The following RAB35 variants were observed in gnomAD, a reference collection of about 807,000 sequenced individuals.
RAB35 encodes ras-related protein Rab-35.
In RAB35, 4 loss-of-function variants were observed where a neutral mutation model predicts 28.9. That is an observed-to-expected ratio of 0.14 (90% CI 0.07 to 0.32). RAB35 has a LOEUF of 0.32. Ranked by LOEUF, RAB35 falls within the 10% of genes least tolerant of loss-of-function variation. RAB35 has a pLI of 1.00. For missense variants in RAB35, 128 were observed against 274.0 expected, an observed-to-expected ratio of 0.47 and a Z score of 3.76; for synonymous variants, 99 against 105.1, an observed-to-expected ratio of 0.94 and a Z score of 0.35.
Position 120,097,361 on chromosome 12 carries a change from T to A in RAB35, c.490A>T (p.Ile164Phe), listed in dbSNP as rs763943361. ...NVNVEEMFNC[I>F]TELVLRAKKD... is the part of the protein sequence containing the mutation. ...TTTGCTCGGAGGACCAGCTCCGTGATGCAGTTGAACATCTGTGGAGAGGAA... is the reference window on the plus strand; with the variant it reads ...TTTGCTCGGAGGACCAGCTCCGTGAAGCAGTTGAACATCTGTGGAGAGGAA... Residue 164 changes from isoleucine to phenylalanine, a missense_variant, in exon 6 of 6, where the codon ATC (isoleucine) becomes TTC (phenylalanine). Physicochemically the swap from Ile to Phe is conservative, Grantham distance 21. Transcript: ENST00000229340. 6.2e-7 allele frequency: 1 copy of A among 1,612,320 alleles called. No individual in the cohort carries two copies. The highest frequency in any genetic ancestry group is 1.1e-5 in the South Asian group (1 of 90,924).
chr12:120,112,307 C>G (rs571250962), intron 1 of RAB35, among the ~76,000 whole-genome samples: 1 of 152,092 alleles, frequency 6.6e-6, no homozygotes, highest in South Asian at 2.1e-4. Flanking sequence ...ATCTGGTCCT[C>G]ACCACGCAAG....
At chr12:120,109,125 TAC>T (rs1321244665) in intron 1 of RAB35, among the ~76,000 whole-genome samples, 15 of 152,158 alleles carry the variant, frequency 9.9e-5, no homozygotes, top group Non-Finnish European at 1.9e-4. Context: ...CACAAACATG[TAC>T]ACATCTGGCC....
rs751756094 is a variant in RAB35 at position 120,116,106 on chromosome 12, T to A, written c.52+493A>T. Among the ~76,000 whole-genome samples, 255 of 152,150 alleles carry A rather than the reference T, an allele frequency of 1.7e-3. 8 individuals carry two copies. The highest frequency in any genetic ancestry group is 5.7e-4 in the Non-Finnish European group (39 of 67,994). ...AGAAACTGACGCTTATAAAGGATAC[T>A]GATGATAATGACAATAGTGAACATT... On this transcript the variant is annotated intron_variant, in intron 1 of 5. Coordinates refer to ENST00000229340, the MANE Select transcript of RAB35 (RefSeq NM_006861.7).
chr12:120,106,443 CAAA>C (rs1875875617), intron 2 of RAB35, among the ~76,000 whole-genome samples: 1 of 152,136 alleles, frequency 6.6e-6, no homozygotes, highest in Non-Finnish European at 1.5e-5. Flanking sequence ...TTCTATTTTA[CAAA>C]TGAACTGGCT....
intron 1 of RAB35, among the ~76,000 whole-genome samples, chr12:120,110,705 C>T (rs1876082661): frequency 6.6e-6 from 1 of 152,222 alleles, no homozygotes; most frequent in Non-Finnish European, 1.5e-5. Flanking sequence ...CTTCTGGGAG[C>T]TTCTCCTGGT....
intron 1 of RAB35, among the ~76,000 whole-genome samples, chr12:120,113,773 G>A (rs542684344): frequency 7.3e-4 from 111 of 151,138 alleles, no homozygotes; most frequent in South Asian, 2.1e-3. Context: ...AGCCGAGATC[G>A]CGCCACTGCA....
chr12:120,104,718 C>T (rs1875804298), intron 2 of RAB35, among the ~76,000 whole-genome samples: 1 of 152,100 alleles, frequency 6.6e-6, no homozygotes, highest in Non-Finnish European at 1.5e-5. Flanking sequence ...GCACCCTTGA[C>T]CTTCCCCCAG....
Position 120,095,920 on chromosome 12 carries a change from C to CA in RAB35, c.*1324_*1325insT. 6.5e-6 allele frequency: 1 copy of CA among 154,618 alleles called. No homozygotes were observed. Among genetic ancestry groups the CA allele is most frequent in the Non-Finnish European group, 1.4e-5 (1 of 70,086 alleles). 9.6% of individuals were successfully genotyped at this position (154,618 alleles called of 1,614,324 possible). ...CTCGGTTCTTCCCAGGTCACTTGAT[C>CA]CCTGTAGTGGGAGGGGAATGAGGTG... On this transcript the variant is annotated 3_prime_UTR_variant, in exon 6 of 6. Coordinates refer to ENST00000229340, the MANE Select transcript of RAB35 (RefSeq NM_006861.7).
rs947086495 is a variant in RAB35 at position 120,096,332 on chromosome 12, C to T, written c.*913G>A. ...ACAAGTGGGGTGGCCTCAACTTTTGCTGCTGTGCCAATCAAACCTCAGGGA... is the reference window on the plus strand; with the variant it reads ...ACAAGTGGGGTGGCCTCAACTTTTGTTGCTGTGCCAATCAAACCTCAGGGA... On this transcript the variant is annotated 3_prime_UTR_variant, in exon 6 of 6. Coordinates refer to ENST00000229340, the MANE Select transcript of RAB35 (RefSeq NM_006861.7). The T allele has an allele frequency of 2.9e-6, 3 of 1,034,414 alleles. No individual in the cohort carries two copies. The highest frequency in any genetic ancestry group is 1.7e-5 in the African/African-American group (1 of 59,602). 64.1% of individuals were successfully genotyped at this position (1,034,414 alleles called of 1,614,324 possible). A position where few individuals can be genotyped will look rare whatever the true frequency, so the allele number is the denominator to read the frequency against.
At chr12:120,098,734 G>T in intron 5 of RAB35, 77 bp downstream of exon 5, 1 of 1,576,318 alleles carries the variant, frequency 6.3e-7, no homozygotes. Flanking sequence ...TGGTCATTTA[G>T]ATGCCTCAAG....
chr12:120,101,686 G>A (rs1015629597), intron 3 of RAB35, among the ~76,000 whole-genome samples: 17 of 152,334 alleles, frequency 1.1e-4, no homozygotes, highest in South Asian at 4.1e-4. Flanking sequence ...TGCCTCATGA[G>A]GGCCAGAGCG....
chr12:120,116,063 T>A (rs2139066292), intron 1 of RAB35, among the ~76,000 whole-genome samples: 1 of 152,328 alleles, frequency 6.6e-6, no homozygotes, highest in African/African-American at 2.4e-5. Flanking sequence ...TCTGAGAACG[T>A]CCTCATTTTA....
intron 2 of RAB35, among the ~76,000 whole-genome samples, chr12:120,106,890 G>A (rs1019573728): frequency 2.7e-5 from 4 of 148,382 alleles, no homozygotes; most frequent in African/African-American, 9.9e-5. Context: ...CCTGGCCAAC[G>A]GAATCACTTT....
chr12:120,108,330 C>A (rs1399552091), intron 2 of RAB35, 87 bp downstream of exon 2: 2 of 1,365,806 alleles, frequency 1.5e-6, no homozygotes, highest in Admixed American at 1.8e-5. Flanking sequence ...CAACATCAGG[C>A]AGAGGCAACT....
rs1396492074 is a variant in RAB35 at position 120,097,218 on chromosome 12, G to A, written c.*27C>T. 1.2e-6 allele frequency: 2 copies of A among 1,614,028 alleles called. No homozygotes were observed. The highest frequency in any genetic ancestry group is 1.3e-5 in the African/African-American group (1 of 74,956). ...CTCGGGCTGGGGGAGGGACCGCAGT[G>A]CAGTCTCTGCAGTGGACTGGGTGCC... On this transcript the variant is annotated 3_prime_UTR_variant, in exon 6 of 6. Transcript: ENST00000229340.
chr12:120,099,607 C>G, intron 3 of RAB35: 1 of 188,532 alleles, frequency 5.3e-6, no homozygotes, highest in South Asian at 1.1e-4. Context: ...TCATGACGCC[C>G]TGGCAAAGTC....
chr12:120,111,189 G>A (rs1028922941), intron 1 of RAB35, among the ~76,000 whole-genome samples: 4 of 152,228 alleles, frequency 2.6e-5, no homozygotes, highest in Non-Finnish European at 5.9e-5. Context: ...GCTATCCAGC[G>A]CTCCCACTGC....
In RAB35 at chr12:120,103,521, C is replaced by G. The variant is rs1022235580; in HGVS notation, c.227+305G>C. On this transcript the variant is annotated intron_variant, in intron 3 of 5. Transcript: ENST00000229340. The surrounding 1 kb of genome is among the most constrained non-coding windows in gnomAD (Gnocchi z 6.1). ...CTAGCGAGGCAAATGCTATTCTGCT[C>G]TCTCTGTAAGGTGACGGCACAGTGG... Among the ~76,000 whole-genome samples the G allele has an allele frequency of 1.3e-5, 2 of 152,362 alleles. No individual in the cohort carries two copies. The highest frequency in any genetic ancestry group is 2.9e-5 in the Non-Finnish European group (2 of 68,038).
intron 3 of RAB35, among the ~76,000 whole-genome samples, chr12:120,099,875 A>G (rs1460994729): frequency 6.7e-6 from 1 of 149,838 alleles, no homozygotes; most frequent in African/African-American, 2.5e-5. Flanking sequence ...CAATCCCCGG[A>G]GGAGGAGGGG....
Sources: gnomAD v4.1 joint callset for allele counts (sites outside exome capture counted in the v4.1 genomes callset) on GRCh38, gnomAD v4.1.1 for gene constraint, Gnocchi (gnomAD v3.1) non-coding constraint, MANE v1.5 for transcripts, NCBI Gene and HGNC (gene_info 2026-07-23, HGNC 2026-07-21) for gene names.